The following GSTT2B variants were observed in gnomAD, a reference collection of about 807,000 sequenced individuals.
The protein encoded by GSTT2B is glutathione S-transferase theta-2B.
A neutral mutation model predicts 16.6 loss-of-function variants in GSTT2B; 4 were observed. That is an observed-to-expected ratio of 0.24 (90% CI 0.12 to 0.55). The LOEUF (loss-of-function observed/expected upper bound fraction) is 0.55, where lower values mean the gene tolerates loss of function less well. Ranked by LOEUF, GSTT2B falls within the 20% of genes least tolerant of loss-of-function variation. The pLI, the probability that GSTT2B is intolerant of heterozygous loss-of-function variation, is 0.94. For missense variants in GSTT2B, 27 were observed against 266.1 expected (o/e 0.10, Z 6.25); for synonymous variants, 9 against 110.9 (o/e 0.08, Z 5.77).
Position 23,959,873 on chromosome 22 carries a change from G to T in GSTT2B, c.200+421C>A, listed in dbSNP as rs188790612. On this transcript the variant is annotated intron_variant, in intron 2 of 4. Coordinates refer to ENST00000290765, the MANE Select transcript of GSTT2B (RefSeq NM_001080843.4). Reference sequence around the variant, plus strand: ...ATTACAGGCGTAAACCACCGCGCCCGGCCTTTTTGAGACGGAGTCTAGCTC... The same window carrying T: ...ATTACAGGCGTAAACCACCGCGCCCTGCCTTTTTGAGACGGAGTCTAGCTC... Among the ~76,000 whole-genome samples, 31 of 81,196 alleles carry T rather than the reference G, an allele frequency of 3.8e-4. 7 individuals carry two copies. The highest frequency in any genetic ancestry group is 1.2e-3 in the African/African-American group (30 of 25,430). The allele number at this position is 81,196 out of a possible 152,430, so 53.3% of individuals were successfully genotyped here. A position where few individuals can be genotyped will look rare whatever the true frequency, so the allele number is the denominator to read the frequency against.
In GSTT2B at chr22:23,960,317, A is replaced by G. The variant is rs770483784; in HGVS notation, c.177T>C (p.Asp59=). Residue 59 remains aspartate (D), a synonymous_variant, in exon 2 of 5, where the codon GAT becomes GAC. Coordinates refer to ENST00000290765, the MANE Select transcript of GSTT2B (RefSeq NM_001080843.4). ...NSLGKLPTLK[D]GDFILTESSA... is the part of the protein sequence containing the mutation. Reference sequence around the variant, plus strand: ...ACCTTTCGGTCAAGATGAAATCACCATCCTTGAGCGTCGGCAGTTTCCCCA... The same window carrying G: ...ACCTTTCGGTCAAGATGAAATCACCGTCCTTGAGCGTCGGCAGTTTCCCCA... The G allele has an allele frequency of 8.7e-6, 14 of 1,612,732 alleles. No homozygotes were observed. Among genetic ancestry groups the G allele is most frequent in the Middle Eastern group, 1.7e-4 (1 of 6,054 alleles).
At chr22:23,959,933 A>T (rs1490655086) in intron 2 of GSTT2B, among the ~76,000 whole-genome samples, 26 of 83,864 alleles carry the variant, frequency 3.1e-4, no homozygotes, top group Middle Eastern at 8.6e-3. Context: ...GCGCGATCTC[A>T]GCACACTGCA....
Position 23,960,372 on chromosome 22 carries a change from T to C in GSTT2B, c.122A>G (p.Lys41Arg). 4 of 1,610,838 alleles carry C rather than the reference T, an allele frequency of 2.5e-6. No homozygotes were observed. In the South Asian group the frequency reaches 3.3e-5, roughly 13 times the overall value. The change falls in exon 2 of 5, where the codon AAG becomes AGG. Residue 41 changes from lysine to arginine, a missense_variant. Physicochemically the swap from Lys to Arg is conservative, Grantham distance 26. Coordinates refer to ENST00000290765, the MANE Select transcript of GSTT2B (RefSeq NM_001080843.4). ...RTVDLVKGQH[K>R]SKEFLQINSL... ...GTTGATCTGCAAGAACTCCTTGCTC[T>C]TGTGCTGCCCTGAAGAGGAAGAAGT...
chr22:23,960,786 T>G (rs1416177290), intron 1 of GSTT2B, among the ~76,000 whole-genome samples: 1 of 137,402 alleles, frequency 7.3e-6, no homozygotes, highest in African/African-American at 2.5e-5. Flanking sequence ...CAGTATTTTC[T>G]TTCCATCCCT....
At position 23,961,060 on chromosome 22, in the gene GSTT2B, ATTC is replaced by A. The variant is rs1274104822; in HGVS notation, c.69_71del (p.Lys23del). ...CGGTGCGCAGCTCTAAGGGGATGCC[ATTC>A]TTCTTGGCGAAGATGTAGACGGCGC... On this transcript the variant is annotated inframe_deletion, in exon 1 of 5. Transcript: ENST00000290765. 8.9e-6 allele frequency: 5 copies of A among 564,166 alleles called. No individual in the cohort carries two copies. In the African/African-American group the frequency reaches 1.0e-4, roughly 12 times the overall value. The allele number at this position is 564,166 out of a possible 1,614,324, so 34.9% of individuals were successfully genotyped here. A position where few individuals can be genotyped will look rare whatever the true frequency, so the allele number is the denominator to read the frequency against.
intron 2 of GSTT2B, 63 bp downstream of exon 2, chr22:23,960,231 C>T: frequency 1.9e-6 from 3 of 1,588,014 alleles, no homozygotes; most frequent in South Asian, 2.2e-5. Flanking sequence ...GGCCCGGGGC[C>T]AGTGGGGAGA....
At chr22:23,959,471 G>A (rs376212199) in intron 2 of GSTT2B, among the ~76,000 whole-genome samples, 4 of 102,452 alleles carry the variant, frequency 3.9e-5, no homozygotes, top group African/African-American at 1.2e-4. Context: ...GATGAGAGGT[G>A]GGGGGACATG....
chr22:23,960,151 C>T (rs1440243036), intron 2 of GSTT2B, 143 bp downstream of exon 2: 1 of 836,852 alleles, frequency 1.2e-6, no homozygotes, highest in African/African-American at 1.6e-5. Context: ...AGGCGTGAGC[C>T]ACCGCGCCCG....
At chr22:23,959,647 T>A (rs1291199041) in intron 2 of GSTT2B, among the ~76,000 whole-genome samples, 2 of 102,584 alleles carry the variant, frequency 1.9e-5, no homozygotes, top group Admixed American at 1.0e-4. Flanking sequence ...GTGCTATCTC[T>A]GCTCATTGCA....
chr22:23,960,245 A>G (rs2033824416), intron 2 of GSTT2B, 49 bp downstream of exon 2: 16 of 1,604,694 alleles, frequency 1.0e-5, no homozygotes, highest in Non-Finnish European at 1.4e-5. Flanking sequence ...GGGGAGAGCC[A>G]AGGTCACATG....
At chr22:23,960,849 G>A (rs1378736463) in intron 1 of GSTT2B, among the ~76,000 whole-genome samples, 171 bp downstream of exon 1, 1 of 147,544 alleles carries the variant, frequency 6.8e-6, no homozygotes, top group African/African-American at 2.4e-5. Flanking sequence ...CTAAGGTTCA[G>A]AGAGGCTGTG....
At chr22:23,960,522 C>T in intron 1 of GSTT2B, 141 bp from the exon 2 acceptor site, 2 of 961,124 alleles carry the variant, frequency 2.1e-6, no homozygotes, top group Non-Finnish European at 3.1e-6. Context: ...GCCTCACTCC[C>T]TGGCTGGGCC....
Position 23,960,124 on chromosome 22 carries a change from C to G in GSTT2B, c.200+170G>C, listed in dbSNP as rs1249391059. On this transcript the variant is annotated intron_variant, in intron 2 of 4. Transcript: ENST00000290765. The stretch of plus-strand genomic sequence containing the variant: ...TCGTGATCCGCCCGCCTTGGCCTCC[C>G]GAAGTGCCGGGATGACAGGCGTGAG... Among the ~76,000 whole-genome samples, 3 of 148,988 alleles carry G rather than the reference C, an allele frequency of 2.0e-5. No individual in the cohort carries two copies. In the South Asian group the frequency reaches 6.6e-4, roughly 33 times the overall value.
At chr22:23,960,008 C>T (rs1449241216) in intron 2 of GSTT2B, among the ~76,000 whole-genome samples, 9 of 142,438 alleles carry the variant, frequency 6.3e-5, no homozygotes, top group Non-Finnish European at 9.3e-5. Flanking sequence ...GGACTACAGA[C>T]GCCCGCCACC....
chr22:23,959,342 CT>C lies in GSTT2B; in HGVS notation c.201-642del, dbSNP rs1196760414. ...AGTCTGCAACAAGTCACTAGAGGCT[CT>C]TTTCAGCTAGCATTTGTTGAACAAA... On this transcript the variant is annotated intron_variant, in intron 2 of 4. Coordinates refer to ENST00000290765, the MANE Select transcript of GSTT2B (RefSeq NM_001080843.4). 2.5e-5 allele frequency among the ~76,000 whole-genome samples: 2 copies of C among 81,632 alleles called. 1 individual carries two copies. Among genetic ancestry groups the C allele is most frequent in the East Asian group, 6.2e-4 (2 of 3,252 alleles). 53.6% of individuals were successfully genotyped at this position (81,632 alleles called of 152,430 possible).
intron 2 of GSTT2B, among the ~76,000 whole-genome samples, 156 bp downstream of exon 2, chr22:23,960,138 G>T (rs1403106556): frequency 6.3e-4 from 92 of 147,048 alleles, no homozygotes; most frequent in African/African-American, 1.6e-3. Flanking sequence ...GTGCCGGGAT[G>T]ACAGGCGTGA....
chr22:23,960,234 T>C, intron 2 of GSTT2B, 60 bp downstream of exon 2: 3 of 1,593,976 alleles, frequency 1.9e-6, no homozygotes, highest in Non-Finnish European at 2.6e-6. Flanking sequence ...CCGGGGCCAG[T>C]GGGGAGAGCC....
intron 2 of GSTT2B, among the ~76,000 whole-genome samples, chr22:23,959,620 C>T (rs1475189412): frequency 2.0e-5 from 2 of 102,066 alleles, no homozygotes; most frequent in Non-Finnish European, 4.7e-5. Flanking sequence ...CTCTGTCACC[C>T]AGGCTGGAGT....
Position 23,960,382 on chromosome 22 carries a change from C to G in GSTT2B, c.113-1G>C. 1 of 1,610,232 alleles carries G rather than the reference C, an allele frequency of 6.2e-7. No individual in the cohort carries two copies. On this transcript the variant is annotated splice_acceptor_variant, in intron 1 of 4. Coordinates refer to ENST00000290765, the MANE Select transcript of GSTT2B (RefSeq NM_001080843.4). LOFTEE classifies it high-confidence loss of function. Reference sequence around the variant, plus strand: ...AAGAACTCCTTGCTCTTGTGCTGCCCTGAAGAGGAAGAAGTCAGAAAAGGT... The same window carrying G: ...AAGAACTCCTTGCTCTTGTGCTGCCGTGAAGAGGAAGAAGTCAGAAAAGGT...
Sources: gnomAD v4.1 joint callset for allele counts (sites outside exome capture counted in the v4.1 genomes callset) on GRCh38, gnomAD v4.1.1 for gene constraint, MANE v1.5 for transcripts, NCBI Gene and HGNC (gene_info 2026-07-23, HGNC 2026-07-21) for gene names.